Variants in GPC6 observed in about 807,000 individuals in gnomAD.
The protein encoded by GPC6 is glypican 6.
GPC6 carries 14 observed loss-of-function variants against 55.2 expected under a neutral mutation model. That is an observed-to-expected ratio of 0.25 (90% confidence interval 0.17 to 0.40). The LOEUF (loss-of-function observed/expected upper bound fraction) is 0.40, where lower values mean the gene tolerates loss of function less well. Ranked by LOEUF, GPC6 falls within the 10% of genes least tolerant of loss-of-function variation. The probability of loss-of-function intolerance (pLI) is 1.00; values close to 1 mark genes in which losing one functional copy is unlikely to be tolerated. For missense variants in GPC6, 641 were observed against 708.5 expected, an observed-to-expected ratio of 0.90 and a Z score of 1.08; for synonymous variants, 278 against 259.6, an observed-to-expected ratio of 1.07 and a Z score of -0.68.
intron 2 of GPC6, among the ~76,000 whole-genome samples, chr13:93,576,049 A>G (rs1339579268): frequency 6.6e-6 from 1 of 152,184 alleles, no homozygotes; most frequent in Non-Finnish European, 1.5e-5. Flanking sequence ...AAGACTTACC[A>G]TTCACTTACC....
chr13:93,286,470 G>A (rs1187013277), intron 1 of GPC6, among the ~76,000 whole-genome samples: 1 of 152,284 alleles, frequency 6.6e-6, no homozygotes, highest in African/African-American at 2.4e-5. Flanking sequence ...ATGGGGAGCT[G>A]GAGGGCCTGG....
At chr13:93,420,168 AC>A (rs1297589474) in intron 1 of GPC6, among the ~76,000 whole-genome samples, 1 of 152,128 alleles carries the variant, frequency 6.6e-6, no homozygotes, top group Admixed American at 6.6e-5. Flanking sequence ...TCAAACTTAA[AC>A]TGAGTTTTCA....
At chr13:94,093,528 C>T (rs963475242) in intron 4 of GPC6, among the ~76,000 whole-genome samples, 10 of 151,814 alleles carry the variant, frequency 6.6e-5, no homozygotes, top group South Asian at 2.1e-4. Flanking sequence ...TTTTGAAATC[C>T]GGTAGTGTAA....
chr13:93,601,031 C>G (rs1359294641), intron 2 of GPC6, among the ~76,000 whole-genome samples: 1 of 150,488 alleles, frequency 6.6e-6, no homozygotes, highest in East Asian at 2.0e-4. Flanking sequence ...CACAGGGAAG[C>G]TTTGCTTTAG....
intron 1 of GPC6, among the ~76,000 whole-genome samples, chr13:93,376,622 T>C (rs1874910447): frequency 6.6e-6 from 1 of 152,186 alleles, no homozygotes; most frequent in South Asian, 2.1e-4. Flanking sequence ...CCCGACATGA[T>C]TGTAAATGTT....
chr13:93,923,413 A>G (rs541071761), intron 3 of GPC6, among the ~76,000 whole-genome samples: 1 of 152,294 alleles, frequency 6.6e-6, no homozygotes, highest in East Asian at 1.9e-4. Flanking sequence ...CTCATATTAC[A>G]AAATCCCAAT....
chr13:93,609,356 C>T (rs541916596), intron 2 of GPC6, among the ~76,000 whole-genome samples: 26 of 152,110 alleles, frequency 1.7e-4, no homozygotes, highest in African/African-American at 4.6e-4. Flanking sequence ...CTGGGATTAC[C>T]GGCACACGCC....
chr13:94,014,239 C>T (rs1882368233), intron 3 of GPC6, among the ~76,000 whole-genome samples: 1 of 152,170 alleles, frequency 6.6e-6, no homozygotes, highest in Non-Finnish European at 1.5e-5. Flanking sequence ...CCACCAACCA[C>T]CATTAGCAAC....
chr13:93,861,298 T>G (rs1888802563), intron 3 of GPC6, among the ~76,000 whole-genome samples: 1 of 151,500 alleles, frequency 6.6e-6, no homozygotes, highest in Non-Finnish European at 1.5e-5. Flanking sequence ...ACTGCATGTT[T>G]TGTGAATATA....
At chr13:94,257,070 A>G (rs1891528969) in intron 4 of GPC6, among the ~76,000 whole-genome samples, 1 of 152,184 alleles carries the variant, frequency 6.6e-6, no homozygotes, top group Non-Finnish European at 1.5e-5. Context: ...TTCTTTTGAC[A>G]TATAGCTACT....
intron 1 of GPC6, among the ~76,000 whole-genome samples, chr13:93,304,562 A>T (rs1878792139): frequency 6.6e-6 from 1 of 152,210 alleles, no homozygotes; most frequent in Non-Finnish European, 1.5e-5. Context: ...AGTTCTCCAT[A>T]GTTTTCACTA....
At chr13:94,288,857 AAT>A (rs367663884) in intron 5 of GPC6, among the ~76,000 whole-genome samples, 170 of 9,234 alleles carry the variant, frequency 0.018, 2 homozygotes, top group Non-Finnish European at 0.03. Context: ...ATATATAATA[AAT>A]ATATATATTT....
At chr13:93,832,492 G>A (rs1253416172) in intron 3 of GPC6, among the ~76,000 whole-genome samples, 1 of 152,124 alleles carries the variant, frequency 6.6e-6, no homozygotes, top group Admixed American at 6.5e-5. Context: ...ATGGATATAT[G>A]CCTGATTATG....
At chr13:93,552,609 C>A (rs898941244) in intron 2 of GPC6, among the ~76,000 whole-genome samples, 1 of 152,178 alleles carries the variant, frequency 6.6e-6, no homozygotes, top group Non-Finnish European at 1.5e-5. Context: ...AATTCTAAGA[C>A]CCCTACCACA....
At chr13:94,266,155 T>TC (rs369153633) in intron 4 of GPC6, among the ~76,000 whole-genome samples, 1 of 139,972 alleles carries the variant, frequency 7.1e-6, no homozygotes, top group Non-Finnish European at 1.6e-5. Flanking sequence ...TCTTTTCTTT[T>TC]TTTTTTTTGT....
chr13:94,349,959 T>C (rs927043367), intron 6 of GPC6, among the ~76,000 whole-genome samples: 1 of 152,076 alleles, frequency 6.6e-6, no homozygotes, highest in African/African-American at 2.4e-5. Context: ...CAATTCGAGT[T>C]TGTTGACTGG....
intron 3 of GPC6, among the ~76,000 whole-genome samples, chr13:94,024,003 G>A (rs1254928106): frequency 2.0e-5 from 3 of 151,990 alleles, no homozygotes; most frequent in African/African-American, 7.2e-5. Flanking sequence ...TAGCAAAAGG[G>A]AGTTCTTTTA....
At chr13:93,564,037 A>T (rs891606395) in intron 2 of GPC6, among the ~76,000 whole-genome samples, 1 of 151,968 alleles carries the variant, frequency 6.6e-6, no homozygotes, top group African/African-American at 2.4e-5. Context: ...AAACTTTGAG[A>T]TATATTTCTT....
chr13:93,220,616 T>C, the GPC6 span, among the ~76,000 whole-genome samples: 145,441 of 152,290 alleles, frequency 0.96, 69,797 homozygotes, highest in East Asian at 1. Flanking sequence ...CTATTAATAT[T>C]GTGAGCCTTC....
Sources: allele counts gnomAD v4.1 joint callset (sites outside exome capture counted in the v4.1 genomes callset), GRCh38; gene constraint gnomAD v4.1.1; transcripts MANE v1.5; gene names NCBI Gene and HGNC (gene_info 2026-07-23, HGNC 2026-07-21).